The following RBFOX2 variants were observed in gnomAD, a reference collection of about 807,000 sequenced individuals.
RBFOX2 encodes RNA binding protein fox-1 homolog 2.
Under a neutral mutation model 49.1 loss-of-function variants are expected in RBFOX2, and 10 were observed. The observed-to-expected ratio is 0.20, with a 90% confidence interval of 0.13 to 0.35. RBFOX2 has a LOEUF of 0.35. Ranked by LOEUF, RBFOX2 falls within the 10% of genes least tolerant of loss-of-function variation. The pLI is 1.00. For missense variants in RBFOX2, 323 were observed against 486.9 expected, an observed-to-expected ratio of 0.66 and a Z score of 3.17; for synonymous variants, 183 against 187.4, an observed-to-expected ratio of 0.98 and a Z score of 0.19.
exon 1 of RBFOX2, chr22:35,840,304 C>A (rs139516153): frequency 5.6e-5 from 90 of 1,613,182 alleles, no homozygotes; most frequent in East Asian, 2.9e-4. Context: ...CCCTCCCCCC[C>A]CAATCTAGCT....
chr22:35,840,214 T>A, exon 1 of RBFOX2: 1 of 1,614,142 alleles, frequency 6.2e-7, no homozygotes, highest in Non-Finnish European at 8.5e-7. Context: ...TTTCTTTTTC[T>A]CCATAAACCA....
rs566163683 is a variant in RBFOX2 at position 35,799,775 on chromosome 22, C to A, written c.252+10005G>T. 7.2e-5 allele frequency among the ~76,000 whole-genome samples: 11 copies of A among 152,068 alleles called. No homozygotes were observed. In the East Asian group the frequency reaches 1.9e-3, roughly 27 times the overall value. On this transcript the variant is annotated intron_variant, in intron 2 of 11. Transcript: ENST00000405409. ...CCAGCCAGAGCAAGACACAGGGAGA[C>A]CCTGTCTCTACAAATAATAAAAAAA...
chr22:36,010,911 G>A (rs1254305731), intron 1 of RBFOX2, among the ~76,000 whole-genome samples: 4 of 152,178 alleles, frequency 2.6e-5, no homozygotes, highest in Non-Finnish European at 5.9e-5. Context: ...GAGGGGTTAA[G>A]GGTAGCCAGT....
At chr22:35,936,301 T>C (rs2053065006) in intron 1 of RBFOX2, among the ~76,000 whole-genome samples, 1 of 150,182 alleles carries the variant, frequency 6.7e-6, no homozygotes, top group African/African-American at 2.4e-5. Flanking sequence ...CTTCACCCCA[T>C]TCCCCAGTTC....
chr22:35,940,550 CAT>C (rs1477312932), upstream of RBFOX2, among the ~76,000 whole-genome samples: 1 of 152,096 alleles, frequency 6.6e-6, no homozygotes, highest in Non-Finnish European at 1.5e-5. Flanking sequence ...TTCTATTAAA[CAT>C]AGAGTTATAT....
At chr22:35,854,242 C>A (rs543840382) in intron 1 of RBFOX2, among the ~76,000 whole-genome samples, 2 of 152,004 alleles carry the variant, frequency 1.3e-5, no homozygotes, top group African/African-American at 4.8e-5. Flanking sequence ...AATACGACCA[C>A]ATTTGCTTTA....
chr22:35,859,027 C>A (rs12166534), intron 1 of RBFOX2, among the ~76,000 whole-genome samples: 1 of 151,852 alleles, frequency 6.6e-6, no homozygotes, highest in African/African-American at 2.4e-5. Flanking sequence ...GCATGAAGGC[C>A]TACAAACAGC....
chr22:35,820,048 G>T (rs145525157), intron 1 of RBFOX2, among the ~76,000 whole-genome samples: 1 of 152,320 alleles, frequency 6.6e-6, no homozygotes, highest in East Asian at 1.9e-4. Flanking sequence ...AGACCTATGT[G>T]ATCAGACTGG....
At chr22:35,743,953 T>C (rs1601973454) in exon 12 of RBFOX2, 1 of 391,498 alleles carries the variant, frequency 2.6e-6, no homozygotes, top group Admixed American at 4.5e-5. Context: ...TTACCACAGT[T>C]TAAAAAAAAA....
intron 1 of RBFOX2, among the ~76,000 whole-genome samples, chr22:35,859,646 A>T (rs1186296313): frequency 6.6e-6 from 1 of 152,266 alleles, no homozygotes; most frequent in Non-Finnish European, 1.5e-5. Context: ...GACATGGCAT[A>T]CAAACTGTGA....
intron 1 of RBFOX2, among the ~76,000 whole-genome samples, chr22:35,835,274 T>C (rs368318463): frequency 6.6e-6 from 1 of 152,062 alleles, no homozygotes; most frequent in East Asian, 1.9e-4. Flanking sequence ...CGGAGAGGAA[T>C]GGTATACCAG....
chr22:35,788,310 A>G (rs1247718531), intron 2 of RBFOX2, among the ~76,000 whole-genome samples: 2 of 152,230 alleles, frequency 1.3e-5, no homozygotes, highest in African/African-American at 2.4e-5. Context: ...ACTCTGATAT[A>G]GATACTAAGG....
chr22:35,923,266 C>G (rs2051228932), intron 1 of RBFOX2, among the ~76,000 whole-genome samples: 1 of 152,210 alleles, frequency 6.6e-6, no homozygotes, highest in Non-Finnish European at 1.5e-5. Flanking sequence ...TCATTCCTCA[C>G]TGGTTTTCAA....
chr22:35,772,379 C>T (rs1942916444), intron 4 of RBFOX2, among the ~76,000 whole-genome samples: 1 of 152,008 alleles, frequency 6.6e-6, no homozygotes, highest in Non-Finnish European at 1.5e-5. Context: ...TTTTATTTAA[C>T]CCAATATAAA....
At chr22:35,761,458 T>C in exon 7 of RBFOX2, 1 of 1,614,124 alleles carries the variant, frequency 6.2e-7, no homozygotes, top group Non-Finnish European at 8.5e-7. Flanking sequence ...CTACTGGGCT[T>C]AATTTCCAAC....
intron 1 of RBFOX2, among the ~76,000 whole-genome samples, chr22:35,875,267 G>C (rs2044875846): frequency 6.6e-6 from 1 of 152,152 alleles, no homozygotes; most frequent in Admixed American, 6.5e-5. Context: ...GTAAAGGAAA[G>C]AGGGAGTGAG....
At chr22:35,784,941 G>A (rs577328421) in intron 2 of RBFOX2, among the ~76,000 whole-genome samples, 3 of 152,312 alleles carry the variant, frequency 2.0e-5, no homozygotes, top group African/African-American at 4.8e-5. Context: ...CAGAGGGCGC[G>A]ATCCCACTCC....
chr22:35,979,135 T>A (rs780686562), intron 1 of RBFOX2, among the ~76,000 whole-genome samples: 4 of 152,146 alleles, frequency 2.6e-5, no homozygotes, highest in Non-Finnish European at 5.9e-5. Flanking sequence ...ATTGCAGTGG[T>A]ATTCCTGCCG....
At chr22:36,011,170 C>T (rs551955333) in intron 1 of RBFOX2, among the ~76,000 whole-genome samples, 4 of 152,290 alleles carry the variant, frequency 2.6e-5, no homozygotes, top group South Asian at 2.1e-4. Flanking sequence ...ATGACATATA[C>T]GATAGCTGAC....
Sources: allele counts gnomAD v4.1 joint callset (sites outside exome capture counted in the v4.1 genomes callset), GRCh38; gene constraint gnomAD v4.1.1; transcripts MANE v1.5; gene names NCBI Gene and HGNC (gene_info 2026-07-23, HGNC 2026-07-21).